The following MSH5 variants were observed in gnomAD, a reference collection of about 807,000 sequenced individuals.
The protein encoded by MSH5 is mutS homolog 5.
MSH5 carries 78 observed loss-of-function variants against 107.7 expected under a neutral mutation model. That is an observed-to-expected ratio of 0.72 (90% CI 0.60 to 0.87). The LOEUF (loss-of-function observed/expected upper bound fraction) is 0.87. MSH5 is among the 40% of genes least tolerant of loss of function. The probability of loss-of-function intolerance (pLI) is 0.00; values close to 1 mark genes in which losing one functional copy is unlikely to be tolerated. For missense variants in MSH5, 889 were observed against 1,046.6 expected, an observed-to-expected ratio of 0.85 and a Z score of 2.08; for synonymous variants, 326 against 399.5, an observed-to-expected ratio of 0.82 and a Z score of 2.19.
chr6:31,744,326 A>G (rs749817701), intron 7 of MSH5, 27 bp downstream of exon 7: 1 of 1,613,640 alleles, frequency 6.2e-7, no homozygotes, highest in Non-Finnish European at 8.5e-7. Flanking sequence ...AACCCCAACC[A>G]AAGTAATGTG....
chr6:31,745,344 C>A lies in MSH5; in HGVS notation c.766+25C>A, dbSNP rs746025519. ...GGTAGGTGTGCCCCATCCCTCATCT[C>A]ACATTACAAAGACCTACCAGAAAAG... On this transcript the variant is annotated intron_variant, in intron 9 of 24. Transcript: ENST00000375750. 9 of 1,549,674 alleles carry A rather than the reference C, an allele frequency of 5.8e-6. No individual in the cohort carries two copies. The Admixed American group carries it at 1.5e-4, about 26-fold the overall frequency.
chr6:31,751,000 TTTTA>T (rs1431368931), intron 10 of MSH5, among the ~76,000 whole-genome samples: 3 of 152,138 alleles, frequency 2.0e-5, no homozygotes, highest in Admixed American at 1.3e-4. Context: ...TATGAATTTA[TTTTA>T]TTTATTTATT....
chr6:31,759,236 A>G lies in MSH5; in HGVS notation c.1407+59A>G. On this transcript the variant is annotated intron_variant, in intron 16 of 24. Transcript: ENST00000375750. This position sits in a 1 kb window ranked among gnomAD's most constrained non-coding sequence, Gnocchi z 4.7. ...AGGAAAATGAGTCAGCAGCTGAGGA[A>G]GAGCGTTACTCTACAGCAGCACTGC... The G allele has an allele frequency of 6.7e-7, 1 of 1,501,482 alleles. No individual in the cohort carries two copies. The highest frequency in any genetic ancestry group is 9.3e-7 in the Non-Finnish European group (1 of 1,079,412). 93.0% of individuals were successfully genotyped at this position (1,501,482 alleles called of 1,614,324 possible).
chr6:31,753,851 G>A (rs1306668112), intron 12 of MSH5: 2 of 485,002 alleles, frequency 4.1e-6, no homozygotes, highest in South Asian at 2.6e-5. Flanking sequence ...TCAGCCTCCC[G>A]AGAAGTTGGG....
Position 31,753,618 on chromosome 6 carries a change from G to T in MSH5, c.1003G>T (p.Val335Phe). 1 of 1,614,122 alleles carries T rather than the reference G, an allele frequency of 6.2e-7. No individual in the cohort carries two copies. Among genetic ancestry groups the T allele is most frequent in the Non-Finnish European group, 8.5e-7 (1 of 1,180,022 alleles). Residue 335 changes from valine to phenylalanine, a missense_variant, in exon 12 of 25, where the codon GTT (valine) becomes TTT (phenylalanine). Val to Phe is a conservative substitution (Grantham distance 50). Around this residue, in one of 3 missense-constraint regions of MSH5, gnomAD observed 518 missense variants for 565.0 expected, o/e 0.92. Transcript: ENST00000375750. The stretch of plus-strand genomic sequence containing the variant: ...CCACACCAAGGTCAGCGACTGGCAG[G>T]TTCTCTACAAGGTAAGGCCTTCCTT... Reference protein sequence around the residue: ...LSHTKVSDWQVLYKTVYSALG... With the variant: ...LSHTKVSDWQFLYKTVYSALG...
chr6:31,757,799 A>C, intron 12 of MSH5: 1 of 290,356 alleles, frequency 3.4e-6, no homozygotes, highest in Non-Finnish European at 6.4e-6. Context: ...CCTCCCAAGT[A>C]GCTGGAATTA....
At chr6:31,752,531 C>A (rs1052480206) in intron 10 of MSH5, among the ~76,000 whole-genome samples, 2 of 152,198 alleles carry the variant, frequency 1.3e-5, no homozygotes, top group African/African-American at 4.8e-5. Context: ...ATCATTCTGG[C>A]CAACATAGTG....
At position 31,759,834 on chromosome 6, in the gene MSH5, G is replaced by A. The variant is rs141972312; in HGVS notation, c.1544G>A (p.Arg515Gln). The change falls in exon 18 of 25, where the codon CGA becomes CAA. Residue 515 changes from arginine (R) to glutamine (Q), a missense_variant. This residue lies in a region of MSH5 where 362 missense variants were observed against 456.2 expected (regional missense o/e 0.79). Transcript: ENST00000375750. This position sits in a 1 kb window ranked among gnomAD's most constrained non-coding sequence, Gnocchi z 4.7. ...CAGCTACAGTGCCAGGTGCTGGCAC[G>A]AGCAGCTGTCTTAACCCGAGTATTG... ...MYQLQCQVLA[R>Q]AAVLTRVLDL... 1.3e-4 allele frequency: 205 copies of A among 1,613,768 alleles called. No individual in the cohort carries two copies. Among genetic ancestry groups the A allele is most frequent in the Non-Finnish European group, 1.7e-4 (195 of 1,180,040 alleles).
chr6:31,753,450 G>A lies in MSH5; in HGVS notation c.951+11G>A. 6.2e-6 allele frequency: 10 copies of A among 1,613,038 alleles called. No individual in the cohort carries two copies. The highest frequency in any genetic ancestry group is 8.5e-6 in the Non-Finnish European group (10 of 1,179,106). On this transcript the variant is annotated intron_variant, in intron 11 of 24. Coordinates refer to ENST00000375750, the MANE Select transcript of MSH5 (RefSeq NM_172166.4). ...ATCAAGAACGTGCCTGTGAGCCCAG[G>A]GTGGAGGGCAGGGAGGTGGGGAAGG...
In MSH5 at chr6:31,747,449, C is replaced by T. The variant is rs1488513848; in HGVS notation, c.812+17C>T. The T allele has an allele frequency of 1.6e-5, 26 of 1,611,724 alleles. No homozygotes were observed. Among genetic ancestry groups the T allele is most frequent in the Non-Finnish European group, 2.2e-5 (26 of 1,178,880 alleles). ...GCTGCTCAGGTGAGTGGGTCCCACA[C>T]ATACTACACACTAATGCATGAATTC... On this transcript the variant is annotated intron_variant, in intron 10 of 24. Coordinates refer to ENST00000375750, the MANE Select transcript of MSH5 (RefSeq NM_172166.4).
chr6:31,743,743 T>G (rs916604741), intron 5 of MSH5, among the ~76,000 whole-genome samples, 161 bp from the exon 6 acceptor site: 21 of 152,336 alleles, frequency 1.4e-4, no homozygotes, highest in African/African-American at 5.1e-4. Flanking sequence ...AGAATTAGAC[T>G]AAGAGTCTGA....
intron 8 of MSH5, 124 bp from the exon 9 acceptor site, chr6:31,745,113 A>AC: frequency 3.3e-6 from 2 of 610,870 alleles, no homozygotes; most frequent in Non-Finnish European, 2.8e-6. Flanking sequence ...CAAAAAAAAA[A>AC]AAAAAAAAAA....
rs778478335 is a variant in MSH5 at position 31,753,608 on chromosome 6, C to T, written c.993C>T (p.Ser331=). The change falls in exon 12 of 25, where the codon AGC becomes AGT. Residue 331 remains serine, a synonymous_variant. Transcript: ENST00000375750. ...TGAAGTTGTCCCACACCAAGGTCAGCGACTGGCAGGTTCTCTACAAGGTAA... is the reference window on the plus strand; with the variant it reads ...TGAAGTTGTCCCACACCAAGGTCAGTGACTGGCAGGTTCTCTACAAGGTAA... ...KRMKLSHTKV[S]DWQVLYKTVY... The T allele has an allele frequency of 9.3e-6, 15 of 1,613,990 alleles. 1 individual carries two copies. The highest frequency in any genetic ancestry group is 5.5e-5 in the South Asian group (5 of 91,090).
rs374423900 is a variant in MSH5, at chr6:31,755,582, G to A, written c.1014+1953G>A. On this transcript the variant is annotated intron_variant, in intron 12 of 24. Transcript: ENST00000375750. ...TCTCCCTGTTGGTCGGGCTGGTCTC[G>A]AACTCCCGACCTCAGATGATCTGCC... Among the ~76,000 whole-genome samples, 727 of 152,054 alleles carry A rather than the reference G, an allele frequency of 4.8e-3. 26 individuals are homozygous for A. The South Asian group carries it at 0.087, about 18-fold the overall frequency.
Position 31,759,441 on chromosome 6 carries a change from A to T in MSH5, c.1424A>T (p.Lys475Met). Residue 475 changes from lysine (K) to methionine (M), a missense_variant, in exon 17 of 25, where the codon AAG becomes ATG. Coordinates refer to ENST00000375750, the MANE Select transcript of MSH5 (RefSeq NM_172166.4). This position sits in a 1 kb window ranked among gnomAD's most constrained non-coding sequence, Gnocchi z 4.7. ...GLDFMFLSEE[K>M]LHYRSARTKE... ...TGTACCCAGTTTCTCTCAGAGGAGA[A>T]GCTGCACTATCGTAGTGCCCGAACC... 1 of 1,612,752 alleles carries T rather than the reference A, an allele frequency of 6.2e-7. No individual in the cohort carries two copies. The highest frequency in any genetic ancestry group is 8.5e-7 in the Non-Finnish European group (1 of 1,180,012).
chr6:31,745,126 A>AT, intron 8 of MSH5, 111 bp from the exon 9 acceptor site: 1 of 577,480 alleles, frequency 1.7e-6, no homozygotes, highest in Non-Finnish European at 3.0e-6. Context: ...AAAAAAAAAA[A>AT]GACGTGATCT....
rs781237213 is a variant in MSH5 at position 31,760,706 on chromosome 6, T to A, written c.1829T>A (p.Phe610Tyr). ...IYLKQVGLIT[F>Y]MALVGSFVPA... The stretch of plus-strand genomic sequence containing the variant: ...CCTATTCAGGTAGGCTTGATCACAT[T>A]CATGGCCCTGGTAGGCAGCTTTGTG... Residue 610 changes from phenylalanine (F) to tyrosine (Y), a missense_variant, in exon 20 of 25, where the codon TTC becomes TAC. By Grantham distance (22) the Phe-to-Tyr change is conservative. Transcript: ENST00000375750. This position sits in a 1 kb window ranked among gnomAD's most constrained non-coding sequence, Gnocchi z 5.6. 1.3e-5 allele frequency: 21 copies of A among 1,612,902 alleles called. No homozygotes were observed. Among genetic ancestry groups the A allele is most frequent in the Non-Finnish European group, 1.7e-5 (20 of 1,180,052 alleles).
chr6:31,742,995 G>C (rs373396407), intron 4 of MSH5, 38 bp downstream of exon 4: 3 of 1,610,542 alleles, frequency 1.9e-6, no homozygotes, highest in African/African-American at 2.7e-5. Context: ...AAATGGGGAA[G>C]GACTAATATA....
Position 31,759,949 on chromosome 6 carries a change from C to T in MSH5, c.1659C>T (p.Val553=). The part of the protein sequence containing the change: ...GYSRPRYSPQ[V]LGVRIQNGRH... ...CAAGGCCGCGTTACTCCCCACAAGTCCTTGGGGTACGAATCCAGAATGGCA... is the reference window on the plus strand; with the variant it reads ...CAAGGCCGCGTTACTCCCCACAAGTTCTTGGGGTACGAATCCAGAATGGCA... Residue 553 remains valine, a synonymous_variant, in exon 18 of 25, where the codon GTC becomes GTT. Transcript: ENST00000375750. This position sits in a 1 kb window ranked among gnomAD's most constrained non-coding sequence, Gnocchi z 4.7. 1 of 1,614,192 alleles carries T rather than the reference C, an allele frequency of 6.2e-7. No homozygotes were observed. The highest frequency in any genetic ancestry group is 8.5e-7 in the Non-Finnish European group (1 of 1,180,030).
Sources: gnomAD v4.1 joint callset for allele counts (sites outside exome capture counted in the v4.1 genomes callset) on GRCh38, gnomAD v4.1.1 for gene constraint, gnomAD v4.1.1 regional missense constraint, Gnocchi (gnomAD v3.1) non-coding constraint, MANE v1.5 for transcripts, NCBI Gene and HGNC (gene_info 2026-07-23, HGNC 2026-07-21) for gene names.